THRAP3: variants seen among roughly 807,000 people sequenced by gnomAD.
The protein encoded by THRAP3 is thyroid hormone receptor-associated protein 3.
THRAP3 carries 16 observed loss-of-function variants against 101.0 expected under a neutral mutation model. The ratio of observed to expected loss-of-function variants is 0.16; its 90% CI spans 0.11 to 0.24. The LOEUF (loss-of-function observed/expected upper bound fraction) is 0.24, where lower values mean the gene tolerates loss of function less well. Ranked by LOEUF, THRAP3 falls within the 10% of genes least tolerant of loss-of-function variation. The pLI is 1.00. For missense variants in THRAP3, 989 were observed against 1,202.7 expected (o/e 0.82, Z 2.63); for synonymous variants, 407 against 422.6 (o/e 0.96, Z 0.45).
chr1:36,276,708 T>C lies in THRAP3; in HGVS notation c.-31-5825T>C, dbSNP rs148616163. Among the ~76,000 whole-genome samples, 1,462 of 149,988 alleles carry C rather than the reference T, an allele frequency of 9.7e-3. 25 individuals are homozygous for C. The highest frequency in any genetic ancestry group is 0.034 in the African/African-American group (1,376 of 40,810). On this transcript the variant is annotated intron_variant, in intron 2 of 11. Coordinates refer to ENST00000354618, the MANE Select transcript of THRAP3 (RefSeq NM_005119.4). ...CCCGTCTCTATTAAAAATACAAAAA[T>C]GAGCTGGGTGTGGTGTTGCACCAAT...
At chr1:36,282,396 A>ATTT (rs34708418) in intron 2 of THRAP3, 137 bp from the exon 3 acceptor site, 89 of 500,494 alleles carry the variant, frequency 1.8e-4, no homozygotes, top group South Asian at 1.2e-3. Flanking sequence ...TTAAAAAAAA[A>ATTT]TTTTTTTTTT....
At chr1:36,213,758 A>C in the THRAP3 span, among the ~76,000 whole-genome samples, 335 of 151,758 alleles carry the variant, frequency 2.2e-3, no homozygotes, top group Non-Finnish European at 2.4e-3. Context: ...GAGGCAGGAG[A>C]ATCGCTTGAA....
At chr1:36,284,891 T>C (rs927724779) in intron 3 of THRAP3, among the ~76,000 whole-genome samples, 12 of 152,230 alleles carry the variant, frequency 7.9e-5, no homozygotes, top group Admixed American at 5.2e-4. Flanking sequence ...TCTTTTCTTA[T>C]ATTGTTACTG....
At chr1:36,240,902 C>G (rs1166240714) in intron 1 of THRAP3, among the ~76,000 whole-genome samples, 1 of 151,962 alleles carries the variant, frequency 6.6e-6, no homozygotes. Context: ...TCTGTTTTTT[C>G]CTTCTTAAGA....
At position 36,282,554 on chromosome 1, in the gene THRAP3, C is replaced by G. The variant is rs1055158936; in HGVS notation, c.-10C>G. The G allele has an allele frequency of 1.9e-6, 3 of 1,613,230 alleles. No individual in the cohort carries two copies. Among genetic ancestry groups the G allele is most frequent in the Non-Finnish European group, 1.7e-6 (2 of 1,179,536 alleles). On this transcript the variant is annotated 5_prime_UTR_variant, in exon 3 of 12. Coordinates refer to ENST00000354618, the MANE Select transcript of THRAP3 (RefSeq NM_005119.4). Reference sequence around the variant, plus strand: ...TTAGGTGTAATTGAAAAGTGATCCTCTCTTCAGAGATGTCAAAAACAAACA... The same window carrying G: ...TTAGGTGTAATTGAAAAGTGATCCTGTCTTCAGAGATGTCAAAAACAAACA...
chr1:36,243,865 G>C (rs1158912267), intron 1 of THRAP3, among the ~76,000 whole-genome samples: 1 of 145,066 alleles, frequency 6.9e-6, no homozygotes, highest in Non-Finnish European at 1.5e-5. Context: ...GCGGCTGGCC[G>C]GGTGGGGGGC....
intron 7 of THRAP3, among the ~76,000 whole-genome samples, chr1:36,293,461 T>A (rs1047755433): frequency 1.3e-5 from 2 of 152,210 alleles, no homozygotes; most frequent in African/African-American, 4.8e-5. Context: ...CACAGAATTT[T>A]AAAGCCCAGC....
At chr1:36,218,489 G>A in the THRAP3 span, among the ~76,000 whole-genome samples, 1 of 150,576 alleles carries the variant, frequency 6.6e-6, no homozygotes, top group Non-Finnish European at 1.5e-5. Flanking sequence ...GGCCGAGGTG[G>A]GTGGATCACA....
At chr1:36,257,622 T>A (rs536326935) in intron 1 of THRAP3, among the ~76,000 whole-genome samples, 20 of 152,268 alleles carry the variant, frequency 1.3e-4, no homozygotes, top group Non-Finnish European at 2.8e-4. Context: ...CTCTTCGCTG[T>A]CACAGAGTAA....
upstream of THRAP3, among the ~76,000 whole-genome samples, chr1:36,221,186 C>CA (rs769615426): frequency 0.033 from 1,481 of 44,782 alleles, 28 homozygotes; most frequent in African/African-American, 0.068. Context: ...GACCCTATCT[C>CA]AAAAAAAAAA....
chr1:36,271,522 C>T (rs1207003848), intron 2 of THRAP3, among the ~76,000 whole-genome samples: 1 of 150,650 alleles, frequency 6.6e-6, no homozygotes, highest in Non-Finnish European at 1.5e-5. Context: ...ACCTCGTGAT[C>T]TGCCTACCTT....
chr1:36,232,189 C>T, intron 1 of THRAP3, among the ~76,000 whole-genome samples: 1 of 152,098 alleles, frequency 6.6e-6, no homozygotes, highest in East Asian at 1.9e-4. Flanking sequence ...ATACTCCAGC[C>T]TGGGCAACAG....
At chr1:36,217,433 T>C in the THRAP3 span, among the ~76,000 whole-genome samples, 1 of 152,064 alleles carries the variant, frequency 6.6e-6, no homozygotes, top group Admixed American at 6.6e-5. Context: ...GACTGGAACC[T>C]TGGGGTAAGT....
intron 11 of THRAP3, among the ~76,000 whole-genome samples, chr1:36,301,908 G>T (rs946787568): frequency 1.3e-5 from 2 of 152,240 alleles, no homozygotes; most frequent in African/African-American, 2.4e-5. Flanking sequence ...GAAGATGTTT[G>T]TGGATTCCAA....
intron 2 of THRAP3, among the ~76,000 whole-genome samples, chr1:36,268,702 C>T (rs1182441722): frequency 6.6e-6 from 1 of 151,942 alleles, no homozygotes; most frequent in African/African-American, 2.4e-5. Flanking sequence ...GAAAAGTAAT[C>T]CATGTGTCCA....
chr1:36,282,397 T>A (rs200712672), intron 2 of THRAP3, 136 bp from the exon 3 acceptor site: 425 of 105,390 alleles, frequency 4.0e-3, no homozygotes, highest in East Asian at 7.1e-3. Flanking sequence ...TAAAAAAAAA[T>A]TTTTTTTTTT....
chr1:36,289,621 A>G lies in THRAP3; in HGVS notation c.1602A>G (p.Ser534=). ...TAYKAVQEKS[S]SPPPRKTSES... The stretch of plus-strand genomic sequence containing the variant: ...ATAAAGCAGTCCAGGAGAAAAGCTC[A>G]TCACCTCCCCCAAGAAAGACCTCTG... Residue 534 remains serine, a synonymous_variant, in exon 5 of 12, where the codon TCA becomes TCG. Coordinates refer to ENST00000354618, the MANE Select transcript of THRAP3 (RefSeq NM_005119.4). The G allele has an allele frequency of 6.2e-7, 1 of 1,614,220 alleles. No individual in the cohort carries two copies. The highest frequency in any genetic ancestry group is 1.1e-5 in the South Asian group (1 of 91,084).
chr1:36,287,630 T>G, intron 4 of THRAP3: 8 of 985,436 alleles, frequency 8.1e-6, no homozygotes, highest in Non-Finnish European at 9.6e-6. Flanking sequence ...ATTGGAGCTC[T>G]TAGACCCTCT....
chr1:36,212,974 G>T, the THRAP3 span, among the ~76,000 whole-genome samples: 1 of 152,192 alleles, frequency 6.6e-6, no homozygotes, highest in East Asian at 1.9e-4. Context: ...GCATGAGCAG[G>T]AATGAGGAAG....
Sources: allele counts gnomAD v4.1 joint callset (sites outside exome capture counted in the v4.1 genomes callset), GRCh38; gene constraint gnomAD v4.1.1; transcripts MANE v1.5; gene names NCBI Gene and HGNC (gene_info 2026-07-23, HGNC 2026-07-21).